Variants in CDON observed in about 807,000 individuals in gnomAD.
The protein encoded by CDON is cell adhesion associated, oncogene regulated, also known as cell adhesion molecule-related/down-regulated by oncogenes.
In CDON, 73 loss-of-function variants were observed where a neutral mutation model predicts 120.9. The observed-to-expected ratio is 0.60, with a 90% CI of 0.50 to 0.73. The LOEUF (loss-of-function observed/expected upper bound fraction) is 0.73, where lower values mean the gene tolerates loss of function less well. Ranked by LOEUF, CDON falls within the 30% of genes least tolerant of loss-of-function variation. The pLI is 0.00. For missense variants in CDON, 1,470 were observed against 1,587.3 expected, an observed-to-expected ratio of 0.93 and a Z score of 1.26; for synonymous variants, 566 against 573.5, an observed-to-expected ratio of 0.99 and a Z score of 0.19.
chr11:125,977,911 TC>T (rs1016452089), intron 18 of CDON, among the ~76,000 whole-genome samples: 3 of 151,564 alleles, frequency 2.0e-5, no homozygotes, highest in Non-Finnish European at 4.4e-5. Flanking sequence ...TACAGAGGGT[TC>T]CCCCCTCCCC....
In CDON at chr11:125,983,955, C is replaced by T; in HGVS notation, c.2912G>A (p.Cys971Tyr). The change falls in exon 16 of 20, where the codon TGT becomes TAT. Residue 971 changes from cysteine (C) to tyrosine (Y), a missense_variant. By Grantham distance (194) the Cys-to-Tyr change is radical (BLOSUM62 -2). Transcript: ENST00000531738. Reference sequence around the variant, plus strand: ...AATGAGGACCATGACGCCCAGCACACAGCCAACGATCAGATATAACATGTC... The same window carrying T: ...AATGAGGACCATGACGCCCAGCACATAGCCAACGATCAGATATAACATGTC... ...SSDMLYLIVG[C>Y]VLGVMVLILM... is the part of the protein sequence containing the mutation. 6.2e-7 allele frequency: 1 copy of T among 1,614,186 alleles called. No individual in the cohort carries two copies. Among genetic ancestry groups the T allele is most frequent in the South Asian group, 1.1e-5 (1 of 91,078 alleles).
chr11:125,974,740 G>A (rs2134410750), intron 18 of CDON, among the ~76,000 whole-genome samples: 1 of 152,068 alleles, frequency 6.6e-6, no homozygotes, highest in Non-Finnish European at 1.5e-5. Flanking sequence ...ACCCCCTGAA[G>A]CCAAGACCAG....
At chr11:126,025,774 G>A (rs1338629106) in intron 1 of CDON, among the ~76,000 whole-genome samples, 1 of 151,984 alleles carries the variant, frequency 6.6e-6, no homozygotes, top group African/African-American at 2.4e-5. Flanking sequence ...TAGGAGGTGG[G>A]AATTGAGCAA....
In CDON at chr11:125,986,124, T is replaced by C. The variant is rs528937500; in HGVS notation, c.2774-2031A>G. Among the ~76,000 whole-genome samples the C allele has an allele frequency of 7.9e-5, 12 of 152,304 alleles. No individual in the cohort carries two copies. In the East Asian group the frequency reaches 2.3e-3, roughly 29 times the overall value. On this transcript the variant is annotated intron_variant, in intron 15 of 19. Transcript: ENST00000531738. ...AATGTGGCACATATACACCATGGAATACTATGCAGCCATGAAAAGGATGAG... is the reference window on the plus strand; with the variant it reads ...AATGTGGCACATATACACCATGGAACACTATGCAGCCATGAAAAGGATGAG...
intron 15 of CDON, among the ~76,000 whole-genome samples, chr11:125,986,217 T>C (rs1946453863): frequency 6.6e-6 from 1 of 152,110 alleles, no homozygotes; most frequent in East Asian, 1.9e-4. Flanking sequence ...AAACACTGCA[T>C]GTTCTCACTC....
Position 126,004,037 on chromosome 11 carries a change from C to T in CDON, c.1891G>A (p.Val631Ile). The change falls in exon 10 of 20, where the codon GTT becomes ATT. Residue 631 changes from valine to isoleucine, a missense_variant. Transcript: ENST00000531738. ...TCATTTTCACTTCCTGGGACTCGAA[C>T]CGTGTGCCAGCTTCCCAGCATGCCA... is the stretch of plus-strand genomic sequence containing the variant. ...GVGMLGSWHTVRVPGSENELH... is the reference protein window; with the variant it reads ...GVGMLGSWHTIRVPGSENELH... 6.2e-7 allele frequency: 1 copy of T among 1,613,980 alleles called. No homozygotes were observed. The highest frequency in any genetic ancestry group is 1.1e-5 in the South Asian group (1 of 91,070).
At position 125,959,619 on chromosome 11, in the gene CDON, A is replaced by C. The variant is rs1386664732; in HGVS notation, c.*1323T>G. On this transcript the variant is annotated 3_prime_UTR_variant, in exon 20 of 20. Coordinates refer to ENST00000531738, the MANE Select transcript of CDON (RefSeq NM_001378964.1). ...AAAACAAACAAACAAAAAAAAACAA[A>C]AAACAAACAAACAAAAAAAAACCCT... is the stretch of plus-strand genomic sequence containing the variant. 3 of 152,180 alleles carry C rather than the reference A, an allele frequency of 2.0e-5. No individual in the cohort carries two copies. The highest frequency in any genetic ancestry group is 7.2e-5 in the African/African-American group (3 of 41,440). 9.4% of individuals were successfully genotyped at this position (152,180 alleles called of 1,614,324 possible).
chr11:126,005,715 G>A (rs747599721), intron 9 of CDON, 44 bp downstream of exon 9: 11 of 1,564,532 alleles, frequency 7.0e-6, no homozygotes, highest in East Asian at 2.2e-5. Context: ...TACAAAGAAC[G>A]TTCAGGTGTG....
intron 18 of CDON, among the ~76,000 whole-genome samples, chr11:125,962,498 T>C (rs138869350): frequency 1.2e-4 from 19 of 152,378 alleles, no homozygotes; most frequent in Admixed American, 1.0e-3. Flanking sequence ...GAGGAAACGC[T>C]ATAAGGATTA....
chr11:125,986,779 A>C (rs1946478657), intron 15 of CDON, among the ~76,000 whole-genome samples: 1 of 151,790 alleles, frequency 6.6e-6, no homozygotes. Context: ...AAAAAAAAAA[A>C]TCTATTCAAC....
chr11:126,011,973 C>T (rs1332748254), intron 7 of CDON, among the ~76,000 whole-genome samples: 1 of 152,176 alleles, frequency 6.6e-6, no homozygotes, highest in East Asian at 1.9e-4. Flanking sequence ...ATCTGCAATG[C>T]CGGCTCAGTC....
rs760702944 is a variant in CDON, at chr11:125,997,393, G to C, written c.2176C>G (p.Arg726Gly). ...RHSGVPEAPD[R>G]PTISTASETS... is the part of the protein sequence containing the mutation. ...TCTGATGCAGTGGAGATGGTAGGCC[G>C]ATCTGGTGCCTCTGGAACTAAACAC... Residue 726 changes from arginine to glycine, a missense_variant, in exon 12 of 20, where the codon CGG becomes GGG. By Grantham distance (125) the Arg-to-Gly change is moderately radical (BLOSUM62 -2). Transcript: ENST00000531738. 1.9e-6 allele frequency: 3 copies of C among 1,612,546 alleles called. No individual in the cohort carries two copies. The highest frequency in any genetic ancestry group is 2.5e-6 in the Non-Finnish European group (3 of 1,179,100).
chr11:126,021,441 A>G lies in CDON; in HGVS notation c.156T>C (p.Ala52=), dbSNP rs754853589. ...ATGAGATACGAGTGGTCACAGGTTG[A>G]GCAGAACAATGCAGTACTACAGGTC... ...LGGPVVLHCS[A]QPVTTRISWL... The change falls in exon 3 of 20, where the codon GCT becomes GCC. Residue 52 remains alanine (A), a synonymous_variant. Transcript: ENST00000531738. 6 of 1,614,134 alleles carry G rather than the reference A, an allele frequency of 3.7e-6. No individual in the cohort carries two copies. Among genetic ancestry groups the G allele is most frequent in the Non-Finnish European group, 3.4e-6 (4 of 1,179,982 alleles).
chr11:126,047,044 A>T (rs982635714), intron 1 of CDON, among the ~76,000 whole-genome samples: 8 of 152,222 alleles, frequency 5.3e-5, no homozygotes, highest in African/African-American at 1.9e-4. Context: ...GACAACATTC[A>T]TACTTTTGGG....
At chr11:126,012,447 G>A (rs553806623) in intron 7 of CDON, among the ~76,000 whole-genome samples, 3 of 152,012 alleles carry the variant, frequency 2.0e-5, no homozygotes, top group Admixed American at 2.0e-4. Flanking sequence ...TGTCGCCCAG[G>A]CCGGAGTGCA....
intron 15 of CDON, among the ~76,000 whole-genome samples, chr11:125,985,782 G>A (rs2134469015): frequency 6.6e-6 from 1 of 152,028 alleles, no homozygotes; most frequent in South Asian, 2.1e-4. Context: ...TCTCACACCA[G>A]TTAGAATGGC....
chr11:125,993,712 AT>A (rs538433208), intron 14 of CDON, among the ~76,000 whole-genome samples: 8 of 152,208 alleles, frequency 5.3e-5, no homozygotes, highest in Non-Finnish European at 8.8e-5. Context: ...AAAGGGAGAG[AT>A]GCAAGAGACG....
At chr11:126,061,249 C>T (rs1276564373) in intron 1 of CDON, among the ~76,000 whole-genome samples, 2 of 152,218 alleles carry the variant, frequency 1.3e-5, no homozygotes, top group East Asian at 3.8e-4. Flanking sequence ...CTCCATCCTT[C>T]TCATATAACT....
chr11:126,033,067 G>C (rs888153433), intron 1 of CDON, among the ~76,000 whole-genome samples: 1 of 152,154 alleles, frequency 6.6e-6, no homozygotes. Flanking sequence ...CTAGGACCTA[G>C]GACATCTTTG....
Sources: allele counts gnomAD v4.1 joint callset (sites outside exome capture counted in the v4.1 genomes callset), GRCh38; gene constraint gnomAD v4.1.1; transcripts MANE v1.5; gene names NCBI Gene and HGNC (gene_info 2026-07-23, HGNC 2026-07-21).